SLC4A4: variants seen among roughly 807,000 people sequenced by gnomAD.
SLC4A4 encodes the protein solute carrier family 4 member 4.
Under a neutral mutation model 111.5 loss-of-function variants are expected in SLC4A4, and 27 were observed. That is an observed-to-expected ratio of 0.24 (90% CI 0.18 to 0.33). SLC4A4 has a LOEUF of 0.33. Ranked by LOEUF, SLC4A4 falls within the 10% of genes least tolerant of loss-of-function variation. The pLI is 1.00. For synonymous variants in SLC4A4, 443 were observed against 463.4 expected (o/e 0.96, Z 0.57); for missense variants, 909 against 1,315.5 (o/e 0.69, Z 4.78).
intron 1 of SLC4A4, among the ~76,000 whole-genome samples, chr4:71,071,852 T>A (rs570843131): frequency 1.4e-4 from 21 of 152,334 alleles, no homozygotes; most frequent in Admixed American, 7.2e-4. Context: ...TGCATAAATA[T>A]CCTTGTGCAT....
intron 2 of SLC4A4, among the ~76,000 whole-genome samples, chr4:71,131,091 C>T (rs1193058203): frequency 6.6e-6 from 1 of 152,178 alleles, no homozygotes; most frequent in Non-Finnish European, 1.5e-5. Context: ...GTCTTCTCAA[C>T]CACTGACTTT....
intron 2 of SLC4A4, among the ~76,000 whole-genome samples, chr4:71,120,075 T>C (rs552378367): frequency 2.6e-4 from 39 of 152,344 alleles, no homozygotes; most frequent in African/African-American, 9.1e-4. Flanking sequence ...CTGATAATAT[T>C]GGAAGGTTTT....
chr4:71,430,704 T>C (rs77034151), intron 7 of SLC4A4, among the ~76,000 whole-genome samples: 3,799 of 152,256 alleles, frequency 0.025, 159 homozygotes, highest in East Asian at 0.15. Flanking sequence ...TCCATTTTCC[T>C]CTTTTGATTC....
chr4:71,266,282 A>G (rs969985169), intron 3 of SLC4A4, among the ~76,000 whole-genome samples: 2 of 152,200 alleles, frequency 1.3e-5, no homozygotes, highest in Non-Finnish European at 2.9e-5. Flanking sequence ...AAAATACCAT[A>G]TGTTAGTTCA....
chr4:71,548,103 A>T (rs1402898418), intron 20 of SLC4A4, among the ~76,000 whole-genome samples: 1 of 151,832 alleles, frequency 6.6e-6, no homozygotes, highest in Non-Finnish European at 1.5e-5. Context: ...ATTTGCTTGT[A>T]TCCAAATCTT....
At chr4:71,283,089 T>C (rs1274987580) in intron 3 of SLC4A4, among the ~76,000 whole-genome samples, 2 of 152,196 alleles carry the variant, frequency 1.3e-5, no homozygotes, top group African/African-American at 4.8e-5. Context: ...TCCAAAAAGG[T>C]ATGCTACTCT....
rs188069014 is a variant in SLC4A4, at chr4:71,143,706, T to C, written c.-2+50914T>C. On this transcript the variant is annotated intron_variant, in intron 2 of 26. Coordinates refer to the SLC4A4 transcript ENST00000649996. ...GCATTTCTCTGATGGCCAGTGATGA[T>C]AGCATTTTACTGTGTCTTTTGGCTG... Among the ~76,000 whole-genome samples, 509 of 152,146 alleles carry C rather than the reference T, an allele frequency of 3.3e-3. 4 individuals are homozygous for C. The highest frequency in any genetic ancestry group is 5.4e-3 in the Non-Finnish European group (364 of 67,932).
intron 18 of SLC4A4, among the ~76,000 whole-genome samples, chr4:71,541,466 G>A (rs1735051659): frequency 6.6e-6 from 1 of 152,100 alleles, no homozygotes; most frequent in African/African-American, 2.4e-5. Context: ...CCAATTCAAA[G>A]AGTGGCACAT....
At chr4:71,178,637 C>T (rs928100880) in intron 2 of SLC4A4, among the ~76,000 whole-genome samples, 8 of 152,186 alleles carry the variant, frequency 5.3e-5, no homozygotes, top group African/African-American at 1.9e-4. Context: ...CCCATACACC[C>T]TCCCAAGACT....
intron 7 of SLC4A4, among the ~76,000 whole-genome samples, chr4:71,435,559 G>A (rs1333102454): frequency 6.6e-6 from 1 of 152,186 alleles, no homozygotes; most frequent in Admixed American, 6.5e-5. Context: ...ATTGACAAAT[G>A]GGATCTAATT....
chr4:71,232,479 A>G (rs941103056), intron 1 of SLC4A4, among the ~76,000 whole-genome samples: 2 of 152,158 alleles, frequency 1.3e-5, no homozygotes, highest in Non-Finnish European at 2.9e-5. Flanking sequence ...TGGCCTAATC[A>G]TAGCTCACTG....
chr4:71,267,791 C>CAAAAAAAAAAAAAAAAAAAAAAA (rs71212002), intron 3 of SLC4A4, among the ~76,000 whole-genome samples: 10 of 62,360 alleles, frequency 1.6e-4, no homozygotes, highest in East Asian at 1.2e-3. Context: ...GAGAGTCTGC[C>CAAAAAAAAAAAAAAAAAAAAAAA]AAAAAAAAAA....
At chr4:71,338,364 T>A (rs1728596874) in intron 3 of SLC4A4, among the ~76,000 whole-genome samples, 1 of 152,198 alleles carries the variant, frequency 6.6e-6, no homozygotes, top group Non-Finnish European at 1.5e-5. Context: ...TGTATGTGTG[T>A]CTATCCATAA....
At chr4:71,473,080 GT>G (rs1279844270) in intron 14 of SLC4A4, 110 bp downstream of exon 14, 10 of 1,251,036 alleles carry the variant, frequency 8.0e-6, no homozygotes, top group Non-Finnish European at 1.1e-5. Flanking sequence ...AATTAGTCTT[GT>G]TTTTTTCTCT....
At chr4:71,165,560 G>A (rs1744721710) in intron 2 of SLC4A4, among the ~76,000 whole-genome samples, 1 of 151,984 alleles carries the variant, frequency 6.6e-6, no homozygotes, top group Admixed American at 6.6e-5. Context: ...TCAGGGGGTG[G>A]GGGACTAGGG....
intron 3 of SLC4A4, among the ~76,000 whole-genome samples, chr4:71,317,946 G>A (rs1292394357): frequency 3.9e-5 from 6 of 152,048 alleles, no homozygotes; most frequent in African/African-American, 1.4e-4. Context: ...ATTAATAGAT[G>A]TTCTTATTAA....
At chr4:71,531,224 C>T (rs1733886809) in intron 16 of SLC4A4, among the ~76,000 whole-genome samples, 1 of 152,038 alleles carries the variant, frequency 6.6e-6, no homozygotes, top group Non-Finnish European at 1.5e-5. Flanking sequence ...CTCCCCTTAC[C>T]AACTTGCAAA....
chr4:71,267,514 C>T (rs1461135834), intron 3 of SLC4A4, among the ~76,000 whole-genome samples: 5 of 152,044 alleles, frequency 3.3e-5, no homozygotes, highest in Admixed American at 1.3e-4. Flanking sequence ...AGAGTTCCAT[C>T]TAAAAAATAA....
rs978560878 is a variant in SLC4A4, at chr4:71,322,599, C to A, written c.254-16771C>A. Among the ~76,000 whole-genome samples, 5 of 151,896 alleles carry A rather than the reference C, an allele frequency of 3.3e-5. No individual in the cohort carries two copies. In the South Asian group the frequency reaches 1.0e-3, roughly 32 times the overall value. ...GGTATAAATTGTTCTGATAATTGGT[C>A]CAAGTTGAACCTGGAGAAAATGCTG... On this transcript the variant is annotated intron_variant, in intron 3 of 25. Coordinates refer to ENST00000264485, the MANE Select transcript of SLC4A4 (RefSeq NM_001098484.3).
Sources: allele counts gnomAD v4.1 joint callset (sites outside exome capture counted in the v4.1 genomes callset), GRCh38; gene constraint gnomAD v4.1.1; transcripts MANE v1.5; gene names NCBI Gene and HGNC (gene_info 2026-07-23, HGNC 2026-07-21).